Variants in ATP11A observed in about 807,000 individuals in gnomAD.
ATP11A encodes phospholipid-transporting ATPase IH.
ATP11A carries 81 observed loss-of-function variants against 154.4 expected under a neutral mutation model. That is an observed-to-expected ratio of 0.52 (90% CI 0.44 to 0.63). The LOEUF is 0.63. ATP11A is among the 30% of genes least tolerant of loss of function. ATP11A has a pLI of 0.00. For synonymous variants in ATP11A, 623 were observed against 585.9 expected, an observed-to-expected ratio of 1.06 and a Z score of -0.91; for missense variants, 1,316 against 1,474.3, an observed-to-expected ratio of 0.89 and a Z score of 1.76.
At chr13:112,700,934 G>A (rs1001241148) in intron 1 of ATP11A, among the ~76,000 whole-genome samples, 1 of 152,186 alleles carries the variant, frequency 6.6e-6, no homozygotes, top group Non-Finnish European at 1.5e-5. Context: ...TGCTTCTCTC[G>A]CCCACTTATC....
At chr13:112,708,257 A>G (rs964362479) in intron 1 of ATP11A, among the ~76,000 whole-genome samples, 16 of 152,186 alleles carry the variant, frequency 1.1e-4, no homozygotes, top group African/African-American at 3.9e-4. Flanking sequence ...AGGAATAAAC[A>G]AACTTATTTC....
chr13:112,848,426 G>A (rs2079667344), intron 17 of ATP11A, among the ~76,000 whole-genome samples: 1 of 152,086 alleles, frequency 6.6e-6, no homozygotes, highest in Non-Finnish European at 1.5e-5. Flanking sequence ...TGTACCCTGT[G>A]TCTTTGCTGA....
intron 2 of ATP11A, among the ~76,000 whole-genome samples, chr13:112,790,210 G>T (rs2077808807): frequency 6.8e-6 from 1 of 147,758 alleles, no homozygotes; most frequent in South Asian, 2.2e-4. Flanking sequence ...CACACCAGGA[G>T]TCCTGATATG....
intron 29 of ATP11A, chr13:112,880,767 A>G: frequency 8.6e-7 from 1 of 1,164,094 alleles, no homozygotes; most frequent in South Asian, 1.6e-5. Flanking sequence ...GAGAAAGAGC[A>G]GCCCTCTTTA....
At chr13:112,752,591 G>A (rs1026936716) in intron 1 of ATP11A, among the ~76,000 whole-genome samples, 5 of 152,186 alleles carry the variant, frequency 3.3e-5, no homozygotes, top group Admixed American at 1.3e-4. Context: ...GACGGGTTGT[G>A]TATTTCTATG....
intron 1 of ATP11A, among the ~76,000 whole-genome samples, chr13:112,747,650 A>G (rs1892328032): frequency 6.6e-6 from 1 of 152,220 alleles, no homozygotes; most frequent in Non-Finnish European, 1.5e-5. Context: ...GGCCTGGCCA[A>G]CATGGGGAAA....
chr13:112,783,566 C>A (rs1166060984), intron 1 of ATP11A, among the ~76,000 whole-genome samples: 1 of 152,246 alleles, frequency 6.6e-6, no homozygotes, highest in Admixed American at 6.5e-5. Flanking sequence ...TCGTCCTTCC[C>A]GTCCCACTGC....
intron 2 of ATP11A, among the ~76,000 whole-genome samples, chr13:112,802,657 G>A (rs73567188): frequency 0.013 from 1,962 of 151,494 alleles, 39 homozygotes; most frequent in African/African-American, 0.045. Flanking sequence ...AATGTAAAAT[G>A]TATAATAATG....
At chr13:112,864,486 A>C (rs373521765) in intron 25 of ATP11A, among the ~76,000 whole-genome samples, 1,130 of 35,138 alleles carry the variant, frequency 0.032, 1 homozygote, top group African/African-American at 0.049. Flanking sequence ...CCATCACCAC[A>C]TGCACAGTAA....
At chr13:112,824,242 C>G in intron 9 of ATP11A, 102 bp from the exon 10 acceptor site, 1 of 876,584 alleles carries the variant, frequency 1.1e-6, no homozygotes, top group South Asian at 1.4e-5. Context: ...AAATAGGATT[C>G]GCTTTACCCA....
chr13:112,690,175 G>C lies in ATP11A; in HGVS notation c.-242G>C, dbSNP rs1884973549. 6.7e-6 allele frequency among the ~76,000 whole-genome samples: 1 copy of C among 148,208 alleles called. No individual in the cohort carries two copies. On this transcript the variant is annotated 5_prime_UTR_variant, in exon 1 of 30. Transcript: ENST00000375645. The surrounding 1 kb of genome is among the most constrained non-coding windows in gnomAD (Gnocchi z 5.6). ...GAAGGCGCCAGAGCGCGCGCGCGCG[G>C]CCCCGAGCAGCAGCCTTGCCGCCAG...
chr13:112,705,388 C>CGGGAA (rs1887029504), intron 1 of ATP11A, among the ~76,000 whole-genome samples: 1 of 136,568 alleles, frequency 7.3e-6, no homozygotes, highest in African/African-American at 3.7e-5. Flanking sequence ...GGGTGCTCAG[C>CGGGAA]AGTTGATGTT....
At chr13:112,832,793 G>T (rs1391048893) in intron 13 of ATP11A, 67 bp from the exon 14 acceptor site, 1 of 1,557,384 alleles carries the variant, frequency 6.4e-7, no homozygotes, top group Non-Finnish European at 8.7e-7. Context: ...ATCTCTCTGC[G>T]CCTGTTTCCC....
intron 11 of ATP11A, among the ~76,000 whole-genome samples, chr13:112,826,173 G>C (rs928432716): frequency 1.3e-5 from 2 of 152,202 alleles, no homozygotes; most frequent in Non-Finnish European, 2.9e-5. Context: ...GCAGGGCCGT[G>C]TGCAAACCCA....
intron 1 of ATP11A, among the ~76,000 whole-genome samples, chr13:112,727,496 T>G (rs778849229): frequency 6.6e-6 from 1 of 152,088 alleles, no homozygotes; most frequent in Non-Finnish European, 1.5e-5. Flanking sequence ...TAAGAATTGG[T>G]CTTTTCCTGG....
In ATP11A at chr13:112,859,610, G is replaced by T. The variant is rs2080040882; in HGVS notation, c.2727+158G>T. 6.6e-6 allele frequency among the ~76,000 whole-genome samples: 1 copy of T among 152,104 alleles called. No individual in the cohort carries two copies. The highest frequency in any genetic ancestry group is 1.5e-5 in the Non-Finnish European group (1 of 68,006). ...GCAGCAGGCGGGGGTGAAGGGTCGG[G>T]CCTGGGGAGGGGGGCCACGGAGCTG... On this transcript the variant is annotated intron_variant, in intron 23 of 29. Coordinates refer to ENST00000375645, the MANE Select transcript of ATP11A (RefSeq NM_015205.3). This position sits in a 1 kb window ranked among gnomAD's most constrained non-coding sequence, Gnocchi z 4.3.
In ATP11A at chr13:112,690,273, C is replaced by T; in HGVS notation, c.-144C>T. ...CGGGCCGGGCATGAGCGCGGAGGGG[C>T]CGCGGCCGCCCCCTGCACCGCCCGG... On this transcript the variant is annotated 5_prime_UTR_variant, in exon 1 of 30. Transcript: ENST00000375645. The surrounding 1 kb of genome is among the most constrained non-coding windows in gnomAD (Gnocchi z 5.6). 1 of 374,830 alleles carries T rather than the reference C, an allele frequency of 2.7e-6. No individual in the cohort carries two copies. The highest frequency in any genetic ancestry group is 1.1e-4 in the South Asian group (1 of 9,476). The allele number at this position is 374,830 out of a possible 1,614,324, so 23.2% of individuals were successfully genotyped here. A position where few individuals can be genotyped will look rare whatever the true frequency, so the allele number is the denominator to read the frequency against.
chr13:112,755,135 CCAAA>C (rs34891778), intron 1 of ATP11A, among the ~76,000 whole-genome samples: 5,706 of 152,288 alleles, frequency 0.037, 163 homozygotes, highest in Admixed American at 0.075. Context: ...TCACGTGTCC[CCAAA>C]CAGTTACTTT....
At position 112,706,976 on chromosome 13, in the gene ATP11A, A is replaced by G. The variant is rs371443229; in HGVS notation, c.39+16521A>G. Among the ~76,000 whole-genome samples the G allele has an allele frequency of 5.9e-5, 9 of 152,236 alleles. No homozygotes were observed. In the South Asian group the frequency reaches 1.7e-3, roughly 28 times the overall value. On this transcript the variant is annotated intron_variant, in intron 1 of 29. Coordinates refer to ENST00000375645, the MANE Select transcript of ATP11A (RefSeq NM_015205.3). Reference sequence around the variant, plus strand: ...TATTTTAGACTGTGGAAAAGACGTTAGACAAAAAGCAAATTCGAGCGATTT... The same window carrying G: ...TATTTTAGACTGTGGAAAAGACGTTGGACAAAAAGCAAATTCGAGCGATTT...
Sources: allele counts gnomAD v4.1 joint callset (sites outside exome capture counted in the v4.1 genomes callset), GRCh38; gene constraint gnomAD v4.1.1; non-coding constraint Gnocchi (gnomAD v3.1); transcripts MANE v1.5; gene names NCBI Gene and HGNC (gene_info 2026-07-23, HGNC 2026-07-21).